Variants in GAL3ST2 observed in about 807,000 individuals in gnomAD.
The protein encoded by GAL3ST2 is galactose-3-O-sulfotransferase 2, also known as beta-galactose-3-O-sulfotransferase 2.
In GAL3ST2, 16 loss-of-function variants were observed where a neutral mutation model predicts 12.9. The ratio of observed to expected loss-of-function variants is 1.24; its 90% CI spans 0.84 to 1.88. The LOEUF (loss-of-function observed/expected upper bound fraction) is 1.88, where lower values mean the gene tolerates loss of function less well. Ranked by LOEUF, GAL3ST2 falls within the 40% of genes most tolerant of loss-of-function variation. GAL3ST2 has a pLI of 0.00. For synonymous variants in GAL3ST2, 302 were observed against 273.9 expected, an observed-to-expected ratio of 1.10 and a Z score of -1.01; for missense variants, 639 against 571.8, an observed-to-expected ratio of 1.12 and a Z score of -1.20.
rs1699859291 is a variant in GAL3ST2, at chr2:241,802,102, T to C, written c.375+66T>C. ...TGCCTGTGGCTGTGGGTCTGGGTGG[T>C]GTAGCCTGGAGGCTGGAGAGAAGGA... On this transcript the variant is annotated intron_variant, in intron 3 of 3. Coordinates refer to ENST00000192314, the MANE Select transcript of GAL3ST2 (RefSeq NM_022134.3). The surrounding 1 kb of genome is among the most constrained non-coding windows in gnomAD (Gnocchi z 4.8). The C allele has an allele frequency of 3.2e-5, 49 of 1,524,564 alleles. No individual in the cohort carries two copies. The South Asian group carries it at 6.0e-4, about 19-fold the overall frequency. 94.4% of individuals were successfully genotyped at this position (1,524,564 alleles called of 1,614,324 possible).
intron 1 of GAL3ST2, among the ~76,000 whole-genome samples, chr2:241,785,813 C>CA (rs906701789): frequency 6.6e-6 from 1 of 152,006 alleles, no homozygotes; most frequent in Middle Eastern, 3.2e-3. Flanking sequence ...CTAGGAGAGA[C>CA]AAAAAACCCA....
chr2:241,801,630 G>A lies in GAL3ST2; in HGVS notation c.120-151G>A, dbSNP rs577191074. On this transcript the variant is annotated intron_variant, in intron 2 of 3. Transcript: ENST00000192314. The surrounding 1 kb of genome is among the most constrained non-coding windows in gnomAD (Gnocchi z 4.4). ...AGTGGGGCAAGGATTGGGGCCATGG[G>A]TCGGTGCCTACCCAGTTGGCCCCCT... 5.9e-4 allele frequency: 587 copies of A among 989,490 alleles called. 2 individuals carry two copies. In the African/African-American group the frequency reaches 8.3e-3, roughly 14 times the overall value. 61.3% of individuals were successfully genotyped at this position (989,490 alleles called of 1,614,324 possible). A position where few individuals can be genotyped will look rare whatever the true frequency, so the allele number is the denominator to read the frequency against.
rs1699844823 is a variant in GAL3ST2 at position 241,801,507 on chromosome 2, T to C, written c.120-274T>C. On this transcript the variant is annotated intron_variant, in intron 2 of 3. Transcript: ENST00000192314. This position sits in a 1 kb window ranked among gnomAD's most constrained non-coding sequence, Gnocchi z 4.4. ...TGGCCAAGATGGGGTTCATTTAGGGTTTTATTTTTAGTTCTCGGGGGCACA... is the reference window on the plus strand; with the variant it reads ...TGGCCAAGATGGGGTTCATTTAGGGCTTTATTTTTAGTTCTCGGGGGCACA... The C allele has an allele frequency of 2.0e-6, 1 of 506,314 alleles. No individual in the cohort carries two copies. The highest frequency in any genetic ancestry group is 3.6e-5 in the East Asian group (1 of 28,024). 31.4% of individuals were successfully genotyped at this position (506,314 alleles called of 1,614,324 possible). A position where few individuals can be genotyped will look rare whatever the true frequency, so the allele number is the denominator to read the frequency against.
At chr2:241,792,793 G>A (rs932483588) in intron 1 of GAL3ST2, among the ~76,000 whole-genome samples, 2 of 152,212 alleles carry the variant, frequency 1.3e-5, no homozygotes, top group Non-Finnish European at 2.9e-5. Flanking sequence ...ATCACTATAA[G>A]CTAAAGGGAG....
At chr2:241,778,361 G>C (rs939629740) in intron 1 of GAL3ST2, among the ~76,000 whole-genome samples, 2 of 152,248 alleles carry the variant, frequency 1.3e-5, no homozygotes, top group Non-Finnish European at 2.9e-5. Flanking sequence ...CTTTGCCTGC[G>C]CTAGTGAGGC....
Position 241,803,423 on chromosome 2 carries a change from A to G in GAL3ST2, c.454A>G (p.Ile152Val). ...NPVFQLESSFIYYKTYAPAFR... is the reference protein window; with the variant it reads ...NPVFQLESSFVYYKTYAPAFR... ...CGTGTTCCAGCTGGAGTCCTCCTTC[A>G]TCTACTACAAAACCTACGCCCCCGC... The change falls in exon 4 of 4, where the codon ATC (isoleucine) becomes GTC (valine). Residue 152 changes from isoleucine to valine, a missense_variant. Ile to Val is a conservative substitution (Grantham distance 29, BLOSUM62 3). Coordinates refer to ENST00000192314, the MANE Select transcript of GAL3ST2 (RefSeq NM_022134.3). 6.2e-7 allele frequency: 1 copy of G among 1,612,556 alleles called. No homozygotes were observed. The highest frequency in any genetic ancestry group is 1.7e-5 in the Admixed American group (1 of 59,892).
Position 241,781,337 on chromosome 2 carries a change from A to T in GAL3ST2, c.29+4353A>T, listed in dbSNP as rs189935950. Among the ~76,000 whole-genome samples the T allele has an allele frequency of 7.6e-3, 1,160 of 152,290 alleles. 9 individuals carry two copies. Among genetic ancestry groups the T allele is most frequent in the Non-Finnish European group, 0.013 (866 of 68,026 alleles). The stretch of plus-strand genomic sequence containing the variant: ...TCTGCTTGATATTCATGAACATTTC[A>T]GCTCTCCATGAGAGTCCTGAAAATT... On this transcript the variant is annotated intron_variant, in intron 1 of 3. Transcript: ENST00000192314.
At chr2:241,794,899 T>C (rs1699751917) in intron 1 of GAL3ST2, among the ~76,000 whole-genome samples, 1 of 152,220 alleles carries the variant, frequency 6.6e-6, no homozygotes, top group South Asian at 2.1e-4. Context: ...GCAGCTGAAC[T>C]CTTGAACATT....
chr2:241,780,391 C>T (rs574184366), intron 1 of GAL3ST2, among the ~76,000 whole-genome samples: 9 of 151,854 alleles, frequency 5.9e-5, no homozygotes, highest in African/African-American at 9.7e-5. Flanking sequence ...TGATGGTGGA[C>T]GCTTGTAATT....
At chr2:241,798,005 C>A (rs999509445) in intron 1 of GAL3ST2, among the ~76,000 whole-genome samples, 15 of 152,178 alleles carry the variant, frequency 9.9e-5, no homozygotes, top group Non-Finnish European at 1.6e-4. Context: ...CACGTGGCAA[C>A]CCCCCATCAC....
In GAL3ST2 at chr2:241,795,193, C is replaced by A. The variant is rs979371277; in HGVS notation, c.30-3872C>A. On this transcript the variant is annotated intron_variant, in intron 1 of 3. Coordinates refer to ENST00000192314, the MANE Select transcript of GAL3ST2 (RefSeq NM_022134.3). The surrounding 1 kb of genome is among the most constrained non-coding windows in gnomAD (Gnocchi z 4.5). ...GCTCACCTCCTGGGTCCCCAGGTCACCCCCTTCCCGGTTGCTCCAACACTG... is the reference window on the plus strand; with the variant it reads ...GCTCACCTCCTGGGTCCCCAGGTCAACCCCTTCCCGGTTGCTCCAACACTG... Among the ~76,000 whole-genome samples the A allele has an allele frequency of 1.6e-4, 24 of 152,068 alleles. No individual in the cohort carries two copies. Among genetic ancestry groups the A allele is most frequent in the African/African-American group, 5.8e-4 (24 of 41,440 alleles).
At chr2:241,777,742 G>A (rs1340806862) in intron 1 of GAL3ST2, among the ~76,000 whole-genome samples, 1 of 152,152 alleles carries the variant, frequency 6.6e-6, no homozygotes, top group Admixed American at 6.5e-5. Context: ...GTGTGGGGCC[G>A]GCTGCCTGGC....
chr2:241,802,113 G>A lies in GAL3ST2; in HGVS notation c.375+77G>A. 1 of 1,498,778 alleles carries A rather than the reference G, an allele frequency of 6.7e-7. No homozygotes were observed. Among genetic ancestry groups the A allele is most frequent in the South Asian group, 1.3e-5 (1 of 76,876 alleles). 92.8% of individuals were successfully genotyped at this position (1,498,778 alleles called of 1,614,324 possible). A position where few individuals can be genotyped will look rare whatever the true frequency, so the allele number is the denominator to read the frequency against. ...GTGGGTCTGGGTGGTGTAGCCTGGA[G>A]GCTGGAGAGAAGGAGTGTAAGGCTT... On this transcript the variant is annotated intron_variant, in intron 3 of 3. Coordinates refer to ENST00000192314, the MANE Select transcript of GAL3ST2 (RefSeq NM_022134.3). This position sits in a 1 kb window ranked among gnomAD's most constrained non-coding sequence, Gnocchi z 4.8.
chr2:241,804,109 G>C lies in GAL3ST2; in HGVS notation c.1140G>C (p.Leu380=). The stretch of plus-strand genomic sequence containing the variant: ...CTGAGCTCCAGTACATGGCCCGCCT[G>C]TACGCCCTGCAGTTCCCGGAGAAGC... ...VMPELQYMAR[L]YALQFPEKPL... Residue 380 remains leucine (L), a synonymous_variant, in exon 4 of 4, where the codon CTG becomes CTC. Transcript: ENST00000192314. 6.6e-7 allele frequency: 1 copy of C among 1,515,498 alleles called. No individual in the cohort carries two copies. The highest frequency in any genetic ancestry group is 8.8e-7 in the Non-Finnish European group (1 of 1,131,382). The allele number at this position is 1,515,498 out of a possible 1,614,324, so 93.9% of individuals were successfully genotyped here. A position where few individuals can be genotyped will look rare whatever the true frequency, so the allele number is the denominator to read the frequency against.
chr2:241,783,082 G>A (rs1699585226), intron 1 of GAL3ST2, among the ~76,000 whole-genome samples: 1 of 151,794 alleles, frequency 6.6e-6, no homozygotes, highest in Non-Finnish European at 1.5e-5. Flanking sequence ...AGGTTGCAGT[G>A]AGCCGAGATT....
intron 2 of GAL3ST2, among the ~76,000 whole-genome samples, chr2:241,799,874 G>A (rs773071323): frequency 1.6e-4 from 24 of 152,198 alleles, no homozygotes; most frequent in Non-Finnish European, 1.8e-4. Flanking sequence ...GGGCAGGGAG[G>A]GCGCCTGCTA....
At position 241,801,505 on chromosome 2, in the gene GAL3ST2, G is replaced by C. The variant is rs970084683; in HGVS notation, c.120-276G>C. 1.3e-5 allele frequency: 7 copies of C among 541,002 alleles called. No homozygotes were observed. Among genetic ancestry groups the C allele is most frequent in the Non-Finnish European group, 9.8e-6 (3 of 306,944 alleles). 33.5% of individuals were successfully genotyped at this position (541,002 alleles called of 1,614,324 possible). A position where few individuals can be genotyped will look rare whatever the true frequency, so the allele number is the denominator to read the frequency against. ...CTTGGCCAAGATGGGGTTCATTTAGGGTTTTATTTTTAGTTCTCGGGGGCA... is the reference window on the plus strand; with the variant it reads ...CTTGGCCAAGATGGGGTTCATTTAGCGTTTTATTTTTAGTTCTCGGGGGCA... On this transcript the variant is annotated intron_variant, in intron 2 of 3. Transcript: ENST00000192314. This position sits in a 1 kb window ranked among gnomAD's most constrained non-coding sequence, Gnocchi z 4.4.
At chr2:241,778,470 C>G (rs1699522316) in intron 1 of GAL3ST2, among the ~76,000 whole-genome samples, 3 of 152,218 alleles carry the variant, frequency 2.0e-5, no homozygotes, top group African/African-American at 7.2e-5. Flanking sequence ...GATTCAGGCA[C>G]AAAACTCTGA....
In GAL3ST2 at chr2:241,795,619, C is replaced by G. The variant is rs1489447725; in HGVS notation, c.30-3446C>G. Among the ~76,000 whole-genome samples the G allele has an allele frequency of 6.6e-6, 1 of 152,160 alleles. No homozygotes were observed. On this transcript the variant is annotated intron_variant, in intron 1 of 3. Transcript: ENST00000192314. This position sits in a 1 kb window ranked among gnomAD's most constrained non-coding sequence, Gnocchi z 4.5. ...CTAACTGTGCGGAGCCGTAAAACTGCCCTTCCCACCTCGTGCAGCCACTCT... is the reference window on the plus strand; with the variant it reads ...CTAACTGTGCGGAGCCGTAAAACTGGCCTTCCCACCTCGTGCAGCCACTCT...
Sources: allele counts gnomAD v4.1 joint callset (sites outside exome capture counted in the v4.1 genomes callset), GRCh38; gene constraint gnomAD v4.1.1; non-coding constraint Gnocchi (gnomAD v3.1); transcripts MANE v1.5; gene names NCBI Gene and HGNC (gene_info 2026-07-23, HGNC 2026-07-21).